The following CAMKMT variants were observed in gnomAD, a reference collection of about 807,000 sequenced individuals.
CAMKMT encodes CaM KMT.
A neutral mutation model predicts 48.0 loss-of-function variants in CAMKMT; 53 were observed. That is an observed-to-expected ratio of 1.10 (90% CI 0.89 to 1.39). CAMKMT has a LOEUF of 1.39. Among genes scored for constraint, CAMKMT ranks in the 40% most tolerant of loss-of-function variants. The pLI is 0.00. For synonymous variants in CAMKMT, 165 were observed against 152.3 expected, an observed-to-expected ratio of 1.08 and a Z score of -0.61; for missense variants, 428 against 402.7, an observed-to-expected ratio of 1.06 and a Z score of -0.54.
At chr2:44,593,572 A>T (rs965451317) in intron 3 of CAMKMT, among the ~76,000 whole-genome samples, 5 of 151,916 alleles carry the variant, frequency 3.3e-5, no homozygotes, top group African/African-American at 9.7e-5. Context: ...GGACTCACTC[A>T]CCTCATTTGT....
At chr2:44,593,245 A>G (rs1164660362) in intron 3 of CAMKMT, among the ~76,000 whole-genome samples, 1 of 152,240 alleles carries the variant, frequency 6.6e-6, no homozygotes, top group East Asian at 1.9e-4. Context: ...TGGCAGAAAC[A>G]TGCACAATTT....
chr2:44,594,679 T>G (rs1265125921), intron 3 of CAMKMT, among the ~76,000 whole-genome samples: 3 of 152,148 alleles, frequency 2.0e-5, no homozygotes, highest in African/African-American at 7.2e-5. Flanking sequence ...GATTAAAGAC[T>G]TAAATGTAAG....
intron 3 of CAMKMT, among the ~76,000 whole-genome samples, chr2:44,443,953 G>T (rs1666829710): frequency 6.6e-6 from 1 of 152,092 alleles, no homozygotes; most frequent in Non-Finnish European, 1.5e-5. Context: ...TAAATGTCTT[G>T]TACAATTTTA....
At chr2:44,754,579 G>A (rs1038278934) in intron 9 of CAMKMT, among the ~76,000 whole-genome samples, 1 of 152,012 alleles carries the variant, frequency 6.6e-6, no homozygotes, top group Non-Finnish European at 1.5e-5. Context: ...AAGGACTTCA[G>A]ATGAATCTGT....
At chr2:44,718,052 C>G (rs1302821413) in intron 7 of CAMKMT, among the ~76,000 whole-genome samples, 3 of 152,090 alleles carry the variant, frequency 2.0e-5, no homozygotes, top group Non-Finnish European at 4.4e-5. Context: ...TTATACCTTA[C>G]TTTGATAAAT....
chr2:44,712,772 T>C lies in CAMKMT; in HGVS notation c.557-2515T>C, dbSNP rs903318574. On this transcript the variant is annotated intron_variant, in intron 6 of 10. Coordinates refer to ENST00000378494, the MANE Select transcript of CAMKMT (RefSeq NM_024766.5). ...TGGCCCGTTGTGTTGAACACTATCCTGGACATATCGACTCAATGTGATTGG... is the reference window on the plus strand; with the variant it reads ...TGGCCCGTTGTGTTGAACACTATCCCGGACATATCGACTCAATGTGATTGG... Among the ~76,000 whole-genome samples the C allele has an allele frequency of 3.3e-5, 5 of 152,190 alleles. No homozygotes were observed. The South Asian group carries it at 8.3e-4, about 25-fold the overall frequency.
At chr2:44,685,236 A>G (rs1359587044) in intron 3 of CAMKMT, among the ~76,000 whole-genome samples, 2 of 152,194 alleles carry the variant, frequency 1.3e-5, no homozygotes, top group Non-Finnish European at 2.9e-5. Context: ...GTTTGCTCTT[A>G]TGTTATGAAT....
At chr2:44,592,895 A>G (rs932747136) in intron 3 of CAMKMT, among the ~76,000 whole-genome samples, 1 of 152,138 alleles carries the variant, frequency 6.6e-6, no homozygotes, top group South Asian at 2.1e-4. Context: ...ATTCAGCTCT[A>G]TTGGGTGGTG....
At chr2:44,596,364 G>A (rs1670662190) in intron 3 of CAMKMT, among the ~76,000 whole-genome samples, 1 of 151,984 alleles carries the variant, frequency 6.6e-6, no homozygotes, top group Non-Finnish European at 1.5e-5. Flanking sequence ...TGGGAGAATT[G>A]CTTAAACCCT....
chr2:44,466,244 T>C (rs1389086364), intron 3 of CAMKMT, among the ~76,000 whole-genome samples: 1 of 152,204 alleles, frequency 6.6e-6, no homozygotes, highest in Non-Finnish European at 1.5e-5. Flanking sequence ...CAAGCACATA[T>C]AGAACGTTTT....
At chr2:44,379,259 C>T (rs542269806) in intron 2 of CAMKMT, among the ~76,000 whole-genome samples, 4 of 152,088 alleles carry the variant, frequency 2.6e-5, no homozygotes, top group Admixed American at 1.3e-4. Flanking sequence ...GTACCTCATA[C>T]TTTTTTTATG....
At chr2:44,762,091 C>T (rs552549766) in intron 9 of CAMKMT, among the ~76,000 whole-genome samples, 18 of 152,170 alleles carry the variant, frequency 1.2e-4, no homozygotes, top group South Asian at 1.0e-3. Flanking sequence ...GGACCACTGA[C>T]AATTAAAAGA....
chr2:44,380,163 A>G (rs1204839268), intron 2 of CAMKMT, among the ~76,000 whole-genome samples: 1 of 152,074 alleles, frequency 6.6e-6, no homozygotes, highest in Non-Finnish European at 1.5e-5. Flanking sequence ...CTCGTTCCTC[A>G]GTCCTTACTC....
chr2:44,746,006 G>T (rs909082223), intron 8 of CAMKMT, among the ~76,000 whole-genome samples: 1 of 152,092 alleles, frequency 6.6e-6, no homozygotes, highest in African/African-American at 2.4e-5. Flanking sequence ...ATGTCACTGG[G>T]GAGGAAAAGA....
intron 3 of CAMKMT, among the ~76,000 whole-genome samples, chr2:44,596,661 A>G (rs1670687916): frequency 6.6e-6 from 1 of 152,108 alleles, no homozygotes; most frequent in South Asian, 2.1e-4. Flanking sequence ...AGGCAGTGGC[A>G]TCTCTCAAGA....
At chr2:44,536,338 T>C (rs1438680055) in intron 3 of CAMKMT, among the ~76,000 whole-genome samples, 1 of 151,978 alleles carries the variant, frequency 6.6e-6, no homozygotes, top group Non-Finnish European at 1.5e-5. Context: ...TTTTTTTTTT[T>C]TTTTAAGGTG....
chr2:44,505,842 C>CTTTATTTATTTA (rs59024414), intron 3 of CAMKMT, among the ~76,000 whole-genome samples: 35 of 148,442 alleles, frequency 2.4e-4, no homozygotes, highest in African/African-American at 7.0e-4. Flanking sequence ...AGTTTATTTA[C>CTTTATTTATTTA]TTTATTTATT....
In CAMKMT at chr2:44,650,520, G is replaced by A. The variant is rs918141386; in HGVS notation, c.377-53763G>A. ...AAGAAATGCTCTATTTCCAAGTGACGTTTCTTTATACCTAGGATTAGTAAT... is the reference window on the plus strand; with the variant it reads ...AAGAAATGCTCTATTTCCAAGTGACATTTCTTTATACCTAGGATTAGTAAT... On this transcript the variant is annotated intron_variant, in intron 3 of 10. Transcript: ENST00000378494. Among the ~76,000 whole-genome samples the A allele has an allele frequency of 5.3e-5, 8 of 152,052 alleles. No homozygotes were observed. In the South Asian group the frequency reaches 8.3e-4, roughly 16 times the overall value.
chr2:44,582,630 A>AT (rs1355021406), intron 3 of CAMKMT, among the ~76,000 whole-genome samples: 1 of 152,044 alleles, frequency 6.6e-6, no homozygotes, highest in Non-Finnish European at 1.5e-5. Context: ...TTGGGCAATG[A>AT]TTTTTTTTCC....
Sources: gnomAD v4.1 joint callset for allele counts (sites outside exome capture counted in the v4.1 genomes callset) on GRCh38, gnomAD v4.1.1 for gene constraint, MANE v1.5 for transcripts, NCBI Gene and HGNC (gene_info 2026-07-23, HGNC 2026-07-21) for gene names.